DYNLT2: variants seen among roughly 807,000 people sequenced by gnomAD.
DYNLT2 encodes the protein dynein light chain Tctex-type 2, also known as dynein light chain Tctex-type protein 2.
Under a neutral mutation model 24.3 loss-of-function variants are expected in DYNLT2, and 24 were observed. That is an observed-to-expected ratio of 0.99 (90% CI 0.71 to 1.39). DYNLT2 has a LOEUF of 1.39. Ranked by LOEUF, DYNLT2 falls within the 40% of genes most tolerant of loss-of-function variation. The probability of loss-of-function intolerance (pLI) is 0.00; values close to 1 mark genes in which losing one functional copy is unlikely to be tolerated. For missense variants in DYNLT2, 246 were observed against 234.5 expected, an observed-to-expected ratio of 1.05 and a Z score of -0.32; for synonymous variants, 85 against 85.4, an observed-to-expected ratio of 1.00 and a Z score of 0.03.
At chr6:169,726,417 A>G in the DYNLT2 span, among the ~76,000 whole-genome samples, 1 of 152,220 alleles carries the variant, frequency 6.6e-6, no homozygotes, top group Non-Finnish European at 1.5e-5. Flanking sequence ...ACACAGGTAG[A>G]TGTGCAATGG....
rs114860779 is a variant in DYNLT2, at chr6:169,742,890, A to C, written c.486+190T>G. Among the ~76,000 whole-genome samples, 1,126 of 152,290 alleles carry C rather than the reference A, an allele frequency of 7.4e-3. 14 individuals carry two copies. Among genetic ancestry groups the C allele is most frequent in the African/African-American group, 0.025 (1,038 of 41,564 alleles). The stretch of plus-strand genomic sequence containing the variant: ...CTGGGATTACAGGCATGAGCCAACG[A>C]ACCCAGCTGGTTTGTACTTTTCAAA... On this transcript the variant is annotated intron_variant, in intron 3 of 3. Transcript: ENST00000366774.
intron 1 of DYNLT2, chr6:169,750,052 C>T (rs978839280): frequency 1.3e-5 from 2 of 152,192 alleles, no homozygotes; most frequent in African/African-American, 4.8e-5. Context: ...TAATTGATCA[C>T]ATCCATATCA....
intron 1 of DYNLT2, 112 bp downstream of exon 1, chr6:169,751,227 T>G: frequency 6.8e-7 from 1 of 1,462,064 alleles, no homozygotes; most frequent in Non-Finnish European, 9.1e-7. Flanking sequence ...AAAAGGGAGA[T>G]GCTGCCTCCT....
chr6:169,730,699 C>G, the DYNLT2 span, among the ~76,000 whole-genome samples: 1 of 152,214 alleles, frequency 6.6e-6, no homozygotes, highest in African/African-American at 2.4e-5. Context: ...GAGATCGAGA[C>G]CATCCTGGCT....
chr6:169,751,340 G>T lies in DYNLT2; in HGVS notation c.119C>A (p.Ala40Glu). ...GCCCCTAGCAGTCTCCGCACTCACT[G>T]CCTCCTTCTCGAACATGCTAGGCCT... ...ERRPSMFEKE[A>E]YTQILRERLR... Residue 40 changes from alanine to glutamate, a missense_variant and splice_region_variant, in exon 1 of 4, where the codon GCA becomes GAA. Transcript: ENST00000366774. The T allele has an allele frequency of 6.2e-7, 1 of 1,613,702 alleles. No individual in the cohort carries two copies. Among genetic ancestry groups the T allele is most frequent in the Non-Finnish European group, 8.5e-7 (1 of 1,179,874 alleles).
In DYNLT2 at chr6:169,742,692, A is replaced by G. The variant is rs1789705493; in HGVS notation, c.486+388T>C. ...CGGGCCACTGCAACCTCTGCTTCCC[A>G]GTCTCAAGTGAGTCTCCTGCCTTAG... On this transcript the variant is annotated intron_variant, in intron 3 of 3. Transcript: ENST00000366774. Among the ~76,000 whole-genome samples the G allele has an allele frequency of 2.0e-5, 3 of 151,922 alleles. No homozygotes were observed. In the South Asian group the frequency reaches 6.2e-4, roughly 32 times the overall value.
intron 1 of DYNLT2, among the ~76,000 whole-genome samples, chr6:169,746,872 T>A (rs1789819431): frequency 6.6e-6 from 1 of 151,384 alleles, no homozygotes; most frequent in South Asian, 2.1e-4. Context: ...TTTTTTGTTT[T>A]TTTCCCTACT....
downstream of DYNLT2, among the ~76,000 whole-genome samples, chr6:169,737,691 T>C (rs1245923890): frequency 2.0e-5 from 3 of 152,158 alleles, no homozygotes; most frequent in Non-Finnish European, 4.4e-5. Context: ...TGCTCCTTTT[T>C]CTGGGACCTC....
the DYNLT2 span, among the ~76,000 whole-genome samples, chr6:169,730,187 C>T: frequency 4.6e-5 from 7 of 152,106 alleles, no homozygotes; most frequent in African/African-American, 1.7e-4. Context: ...TAGAACTGTG[C>T]AAAGTGAGGA....
the DYNLT2 span, chr6:169,725,398 T>A: frequency 2.5e-6 from 1 of 398,052 alleles, no homozygotes; most frequent in Non-Finnish European, 4.4e-6. Flanking sequence ...GTTAACACGC[T>A]CAGTCCAGCC....
chr6:169,743,263 CT>C, intron 2 of DYNLT2, 25 bp from the exon 3 acceptor site: 1 of 1,381,436 alleles, frequency 7.2e-7, no homozygotes, highest in Non-Finnish European at 9.6e-7. Context: ...AAGAAAAATA[CT>C]TTTATTTTCA....
At chr6:169,730,689 G>C in the DYNLT2 span, among the ~76,000 whole-genome samples, 1 of 152,188 alleles carries the variant, frequency 6.6e-6, no homozygotes, top group African/African-American at 2.4e-5. Flanking sequence ...ACGAAGTCAG[G>C]AGATCGAGAC....
downstream of DYNLT2, among the ~76,000 whole-genome samples, chr6:169,737,723 T>C (rs1471701747): frequency 3.3e-5 from 5 of 152,174 alleles, no homozygotes; most frequent in African/African-American, 1.2e-4. Flanking sequence ...GGCACCAGCC[T>C]GATGCCAGTA....
At chr6:169,728,798 C>T in the DYNLT2 span, among the ~76,000 whole-genome samples, 2 of 152,184 alleles carry the variant, frequency 1.3e-5, no homozygotes, top group Non-Finnish European at 2.9e-5. Context: ...TTTGCCTCTT[C>T]TCATACTATT....
At chr6:169,747,976 A>G (rs1789848070) in intron 1 of DYNLT2, among the ~76,000 whole-genome samples, 1 of 152,270 alleles carries the variant, frequency 6.6e-6, no homozygotes, top group South Asian at 2.1e-4. Flanking sequence ...TTGATAAGCC[A>G]GATCAGAGAA....
intron 1 of DYNLT2, among the ~76,000 whole-genome samples, chr6:169,744,529 T>C (rs893437509): frequency 3.9e-5 from 6 of 152,180 alleles, no homozygotes; most frequent in African/African-American, 1.4e-4. Flanking sequence ...ACAAATTGCA[T>C]GCATATATTT....
chr6:169,745,508 T>C (rs2128336114), intron 1 of DYNLT2, among the ~76,000 whole-genome samples: 1 of 151,410 alleles, frequency 6.6e-6, no homozygotes, highest in South Asian at 2.1e-4. Context: ...ATTTGACATA[T>C]AGTTTTCTTC....
intron 1 of DYNLT2, 192 bp downstream of exon 1, chr6:169,751,147 C>T (rs1188422551): frequency 1.3e-6 from 1 of 796,814 alleles, no homozygotes; most frequent in East Asian, 2.7e-5. Flanking sequence ...AACTTTAGCA[C>T]TCAAGTCCAA....
At chr6:169,740,063 G>T, downstream of DYNLT2, 2 of 625,166 alleles carry the variant, frequency 3.2e-6, no homozygotes, top group South Asian at 2.4e-5. Context: ...TAATACAATT[G>T]AAAGGCCTCA....
Sources: allele counts gnomAD v4.1 joint callset (sites outside exome capture counted in the v4.1 genomes callset), GRCh38; gene constraint gnomAD v4.1.1; transcripts MANE v1.5; gene names NCBI Gene and HGNC (gene_info 2026-07-23, HGNC 2026-07-21).